The following GNA14 variants were observed in gnomAD, a reference collection of about 807,000 sequenced individuals.
GNA14 encodes the protein G protein subunit alpha 14.
Under a neutral mutation model 42.0 loss-of-function variants are expected in GNA14, and 50 were observed. That is an observed-to-expected ratio of 1.19 (90% CI 0.95 to 1.51). GNA14 has a LOEUF of 1.51. Among genes scored for constraint, GNA14 ranks in the 40% most tolerant of loss-of-function variants. GNA14 has a pLI of 0.00. For missense variants in GNA14, 473 were observed against 446.2 expected (o/e 1.06, Z -0.54); for synonymous variants, 173 against 163.1 (o/e 1.06, Z -0.46).
At chr9:77,613,917 C>T (rs1259802090) in intron 1 of GNA14, among the ~76,000 whole-genome samples, 2 of 151,736 alleles carry the variant, frequency 1.3e-5, no homozygotes, top group African/African-American at 4.9e-5. Context: ...CTGTTTCTCC[C>T]AAATGTAAGG....
chr9:77,643,826 A>G (rs1824308326), intron 1 of GNA14, among the ~76,000 whole-genome samples: 1 of 152,224 alleles, frequency 6.6e-6, no homozygotes, highest in African/African-American at 2.4e-5. Context: ...TTGGTCAACT[A>G]AAATGGAAAA....
chr9:77,433,211 G>A (rs1303344751), intron 3 of GNA14, among the ~76,000 whole-genome samples: 1 of 152,164 alleles, frequency 6.6e-6, no homozygotes, highest in Admixed American at 6.5e-5. Flanking sequence ...AGGTACGTCT[G>A]GGGAAGGGAT....
At chr9:77,637,260 T>C (rs1357002249) in intron 1 of GNA14, among the ~76,000 whole-genome samples, 1 of 152,234 alleles carries the variant, frequency 6.6e-6, no homozygotes, top group Non-Finnish European at 1.5e-5. Context: ...TTCTTTGCTA[T>C]TAATTTCCTT....
chr9:77,527,055 G>A (rs2131766466), intron 2 of GNA14, among the ~76,000 whole-genome samples: 1 of 152,294 alleles, frequency 6.6e-6, no homozygotes, highest in African/African-American at 2.4e-5. Context: ...TTTCTCCTCA[G>A]TGGGTCTGTT....
chr9:77,428,111 C>T (rs1373614222), intron 5 of GNA14, among the ~76,000 whole-genome samples: 1 of 138,642 alleles, frequency 7.2e-6, no homozygotes, highest in Non-Finnish European at 1.5e-5. Flanking sequence ...TGGAGTCTCG[C>T]TCTGTTGCCC....
intron 1 of GNA14, among the ~76,000 whole-genome samples, chr9:77,629,122 GA>G (rs1824057060): frequency 6.6e-6 from 1 of 152,024 alleles, no homozygotes. Context: ...ACAAACATGT[GA>G]AAAAAAGCTC....
intron 2 of GNA14, among the ~76,000 whole-genome samples, chr9:77,457,313 A>G (rs777476322): frequency 2.6e-5 from 4 of 152,212 alleles, no homozygotes; most frequent in Non-Finnish European, 5.9e-5. Context: ...GAATATTATC[A>G]CCAACACAAA....
intron 2 of GNA14, among the ~76,000 whole-genome samples, chr9:77,443,648 G>A (rs1181437703): frequency 3.3e-5 from 5 of 152,182 alleles, no homozygotes; most frequent in Non-Finnish European, 5.9e-5. Context: ...GTGTTGGCAT[G>A]AGGGGCCAAG....
intron 1 of GNA14, among the ~76,000 whole-genome samples, chr9:77,602,068 C>G (rs776606888): frequency 6.6e-6 from 1 of 152,208 alleles, no homozygotes; most frequent in Non-Finnish European, 1.5e-5. Context: ...CATTGGTCCT[C>G]ATTGTCCTCA....
intron 1 of GNA14, among the ~76,000 whole-genome samples, chr9:77,538,779 T>C (rs1424417202): frequency 6.6e-6 from 1 of 152,228 alleles, no homozygotes; most frequent in East Asian, 1.9e-4. Context: ...GTTGATTTTG[T>C]GTCCTATAAC....
intron 1 of GNA14, among the ~76,000 whole-genome samples, chr9:77,569,915 T>C (rs559304824): frequency 6.6e-6 from 1 of 152,142 alleles, no homozygotes; most frequent in Non-Finnish European, 1.5e-5. Flanking sequence ...TACAGGCGTG[T>C]GCCACCATGT....
chr9:77,462,697 G>T (rs951064546), intron 2 of GNA14, among the ~76,000 whole-genome samples: 2 of 122,918 alleles, frequency 1.6e-5, no homozygotes, highest in Non-Finnish European at 3.2e-5. Flanking sequence ...CTCCAGCCTG[G>T]GTGACAGAGC....
chr9:77,538,839 G>T (rs1490117041), intron 1 of GNA14, among the ~76,000 whole-genome samples: 1 of 152,188 alleles, frequency 6.6e-6, no homozygotes, highest in Admixed American at 6.5e-5. Flanking sequence ...GTGGTCTTTA[G>T]GTTTTCCTAG....
rs148229831 is a variant in GNA14 at position 77,455,037 on chromosome 9, G to A, written c.310-20515C>T. Among the ~76,000 whole-genome samples the A allele has an allele frequency of 8.1e-3, 1,240 of 152,232 alleles. 12 individuals are homozygous for A. The highest frequency in any genetic ancestry group is 0.02 in the Middle Eastern group (6 of 294). On this transcript the variant is annotated intron_variant, in intron 2 of 6. Coordinates refer to ENST00000341700, the MANE Select transcript of GNA14 (RefSeq NM_004297.4). ...GATGATCTCAAAGTTTCTGTAGGTCGGAAGTCCAGGCAATGGTATAACTGG... is the reference window on the plus strand; with the variant it reads ...GATGATCTCAAAGTTTCTGTAGGTCAGAAGTCCAGGCAATGGTATAACTGG...
rs1227256121 is a variant in GNA14, at chr9:77,423,246, TGGG to T, written c.*730_*732del. The T allele has an allele frequency of 2.0e-5, 3 of 151,942 alleles. No individual in the cohort carries two copies. Among genetic ancestry groups the T allele is most frequent in the Admixed American group, 6.6e-5 (1 of 15,190 alleles). The allele number at this position is 151,942 out of a possible 1,614,324, so 9.4% of individuals were successfully genotyped here. A position where few individuals can be genotyped will look rare whatever the true frequency, so the allele number is the denominator to read the frequency against. On this transcript the variant is annotated 3_prime_UTR_variant, in exon 7 of 7. Transcript: ENST00000341700. ...ATTTTTAAGATCTGGTCATATACAT[TGGG>T]GGTAAAAATGTACACACACACACAC...
intron 2 of GNA14, among the ~76,000 whole-genome samples, chr9:77,508,526 T>G (rs1274128870): frequency 1.3e-5 from 2 of 152,208 alleles, no homozygotes; most frequent in Non-Finnish European, 2.9e-5. Context: ...GAAATCTTAT[T>G]TCTGAACAGC....
intron 2 of GNA14, among the ~76,000 whole-genome samples, chr9:77,511,724 C>T (rs1837173742): frequency 6.6e-6 from 1 of 152,158 alleles, no homozygotes; most frequent in African/African-American, 2.4e-5. Context: ...CATCTATCCC[C>T]ACCTCCATGT....
chr9:77,602,763 T>A (rs765391788), intron 1 of GNA14, among the ~76,000 whole-genome samples: 7 of 152,184 alleles, frequency 4.6e-5, no homozygotes, highest in Non-Finnish European at 1.0e-4. Flanking sequence ...TTTAAGAAAC[T>A]TTATCAGGGC....
chr9:77,448,212 T>C (rs2131701789), intron 2 of GNA14, among the ~76,000 whole-genome samples: 1 of 152,354 alleles, frequency 6.6e-6, no homozygotes, highest in East Asian at 1.9e-4. Context: ...AATCACGTAC[T>C]ATCTAGCCAT....
Sources: gnomAD v4.1 joint callset for allele counts (sites outside exome capture counted in the v4.1 genomes callset) on GRCh38, gnomAD v4.1.1 for gene constraint, MANE v1.5 for transcripts, NCBI Gene and HGNC (gene_info 2026-07-23, HGNC 2026-07-21) for gene names.